SV2C: variants seen among roughly 807,000 people sequenced by gnomAD.
The protein encoded by SV2C is solute carrier family 22 member B3.
Under a neutral mutation model 79.7 loss-of-function variants are expected in SV2C, and 49 were observed. The ratio of observed to expected loss-of-function variants is 0.61; its 90% CI spans 0.49 to 0.78. The LOEUF is 0.78. SV2C is among the 30% of genes least tolerant of loss of function. The probability of loss-of-function intolerance (pLI) is 0.00; values close to 1 mark genes in which losing one functional copy is unlikely to be tolerated. For synonymous variants in SV2C, 334 were observed against 333.2 expected, an observed-to-expected ratio of 1.00 and a Z score of -0.03; for missense variants, 833 against 912.9, an observed-to-expected ratio of 0.91 and a Z score of 1.13.
At chr5:76,336,235 G>A (rs1179486753), downstream of SV2C, among the ~76,000 whole-genome samples, 2 of 150,220 alleles carry the variant, frequency 1.3e-5, no homozygotes, top group African/African-American at 2.5e-5. Context: ...GGGCGGAGGG[G>A]CTCCTCACTT....
chr5:76,014,050 ATGCCACTGGGGG>A, the SV2C span, among the ~76,000 whole-genome samples: 1 of 151,936 alleles, frequency 6.6e-6, no homozygotes, highest in Admixed American at 6.6e-5. Flanking sequence ...TACCAGCTAA[ATGCCACTGGGGG>A]CCTGCAAATT....
the SV2C span, among the ~76,000 whole-genome samples, chr5:75,905,598 G>A: frequency 6.6e-6 from 1 of 152,104 alleles, no homozygotes; most frequent in Non-Finnish European, 1.5e-5. Flanking sequence ...ACAGAAGAGA[G>A]GGATAGTGGT....
intron 1 of SV2C, among the ~76,000 whole-genome samples, chr5:76,096,779 C>T (rs866916877): frequency 6.6e-6 from 1 of 152,052 alleles, no homozygotes; most frequent in Non-Finnish European, 1.5e-5. Context: ...TAGGCCTCAC[C>T]CAATCTGTTG....
At chr5:76,267,728 A>T (rs1179597930) in intron 4 of SV2C, among the ~76,000 whole-genome samples, 1 of 152,248 alleles carries the variant, frequency 6.6e-6, no homozygotes, top group African/African-American at 2.4e-5. Context: ...TCTAAAAGTG[A>T]CATTTGATGT....
At chr5:76,128,408 AG>A (rs1203987758) in intron 1 of SV2C, among the ~76,000 whole-genome samples, 2 of 152,228 alleles carry the variant, frequency 1.3e-5, no homozygotes, top group East Asian at 3.8e-4. Flanking sequence ...ATTTTAGTGT[AG>A]GAAAAAAAGT....
At chr5:76,036,679 T>G in the SV2C span, among the ~76,000 whole-genome samples, 6 of 152,212 alleles carry the variant, frequency 3.9e-5, no homozygotes, top group Non-Finnish European at 5.9e-5. Context: ...CCTTTAACAT[T>G]TTTTCCTTCA....
At chr5:76,244,736 T>G (rs192794182) in intron 4 of SV2C, among the ~76,000 whole-genome samples, 1 of 152,330 alleles carries the variant, frequency 6.6e-6, no homozygotes, top group African/African-American at 2.4e-5. Flanking sequence ...TACTTAATGG[T>G]TTTTGAATCA....
chr5:75,899,687 T>G, the SV2C span, among the ~76,000 whole-genome samples: 3 of 152,140 alleles, frequency 2.0e-5, no homozygotes, highest in African/African-American at 7.2e-5. Context: ...CCCATTATTA[T>G]TGAATGGGAG....
the SV2C span, among the ~76,000 whole-genome samples, chr5:75,988,115 G>T: frequency 2.0e-5 from 3 of 151,982 alleles, no homozygotes; most frequent in African/African-American, 7.2e-5. Context: ...TCATGTGCAT[G>T]TATGTGTGCA....
At chr5:76,200,323 A>G (rs182626257) in intron 3 of SV2C, among the ~76,000 whole-genome samples, 8 of 152,330 alleles carry the variant, frequency 5.3e-5, no homozygotes, top group Non-Finnish European at 1.0e-4. Flanking sequence ...AGCTCCATTT[A>G]CTAGGAATTT....
At chr5:76,211,151 C>T (rs1744755739) in intron 4 of SV2C, among the ~76,000 whole-genome samples, 2 of 152,114 alleles carry the variant, frequency 1.3e-5, no homozygotes, top group Non-Finnish European at 2.9e-5. Context: ...CCACATCAGC[C>T]CCACCTCTTC....
At chr5:76,100,753 A>T (rs914067294) in intron 1 of SV2C, among the ~76,000 whole-genome samples, 1 of 152,198 alleles carries the variant, frequency 6.6e-6, no homozygotes, top group Non-Finnish European at 1.5e-5. Flanking sequence ...TGAAGGCAAC[A>T]GTCTGGTGTT....
chr5:75,981,000 A>T, the SV2C span, among the ~76,000 whole-genome samples: 1 of 152,316 alleles, frequency 6.6e-6, no homozygotes, highest in African/African-American at 2.4e-5. Context: ...AAGCTGATAA[A>T]CAACTTCAGC....
chr5:76,033,450 T>G, the SV2C span, among the ~76,000 whole-genome samples: 1 of 152,248 alleles, frequency 6.6e-6, no homozygotes, highest in African/African-American at 2.4e-5. Flanking sequence ...GGATCCAGTT[T>G]CAGCTTTCTA....
the SV2C span, among the ~76,000 whole-genome samples, chr5:75,860,971 A>T: frequency 6.6e-6 from 1 of 152,238 alleles, no homozygotes; most frequent in Non-Finnish European, 1.5e-5. Context: ...AAGACTTCAA[A>T]CTATAAGAAT....
At chr5:76,281,757 C>G (rs936956552) in intron 4 of SV2C, among the ~76,000 whole-genome samples, 2 of 152,214 alleles carry the variant, frequency 1.3e-5, no homozygotes, top group East Asian at 3.9e-4. Context: ...ATCTTCAAGT[C>G]TCTCTCCAAA....
At chr5:76,324,705 A>T (rs971352625) in intron 12 of SV2C, among the ~76,000 whole-genome samples, 4 of 151,546 alleles carry the variant, frequency 2.6e-5, no homozygotes, top group Non-Finnish European at 4.4e-5. Flanking sequence ...AAAAAAAAAT[A>T]GCTGAGCATG....
At chr5:76,281,202 C>T in intron 4 of SV2C, 1 of 532,606 alleles carries the variant, frequency 1.9e-6, no homozygotes, top group Non-Finnish European at 3.8e-6. Flanking sequence ...AGCCGACAAA[C>T]AGAAAAGACA....
the SV2C span, among the ~76,000 whole-genome samples, chr5:75,898,959 T>G: frequency 6.6e-6 from 1 of 152,206 alleles, no homozygotes; most frequent in African/African-American, 2.4e-5. Context: ...TCTTCTTTCT[T>G]TTTTTCTTTA....
Sources: gnomAD v4.1 joint callset for allele counts (sites outside exome capture counted in the v4.1 genomes callset) on GRCh38, gnomAD v4.1.1 for gene constraint, MANE v1.5 for transcripts, NCBI Gene and HGNC (gene_info 2026-07-23, HGNC 2026-07-21) for gene names.